The following ZAR1L variants were observed in gnomAD, a reference collection of about 807,000 sequenced individuals.
The protein encoded by ZAR1L is zygote arrest 1 like, also known as protein ZAR1-like.
ZAR1L carries 16 observed loss-of-function variants against 30.0 expected under a neutral mutation model. The observed-to-expected ratio is 0.53, with a 90% confidence interval of 0.36 to 0.81. The LOEUF (loss-of-function observed/expected upper bound fraction) is 0.81, where lower values mean the gene tolerates loss of function less well. Ranked by LOEUF, ZAR1L falls within the 30% of genes least tolerant of loss-of-function variation. The probability of loss-of-function intolerance (pLI) is 0.00; values close to 1 mark genes in which losing one functional copy is unlikely to be tolerated. For synonymous variants in ZAR1L, 197 were observed against 166.8 expected (o/e 1.18, Z -1.40); for missense variants, 392 against 417.2 (o/e 0.94, Z 0.53).
At chr13:32,313,401 C>T (rs2072227868) in intron 2 of ZAR1L, among the ~76,000 whole-genome samples, 1 of 152,208 alleles carries the variant, frequency 6.6e-6, no homozygotes. Context: ...TTTCCTTGCT[C>T]TGTCTCCCAG....
chr13:32,310,508 C>T (rs2072204572), intron 4 of ZAR1L, 131 bp downstream of exon 4: 18 of 666,398 alleles, frequency 2.7e-5, no homozygotes. Context: ...TTCCTGTACA[C>T]CTGGCACGGG....
intron 2 of ZAR1L, among the ~76,000 whole-genome samples, chr13:32,312,411 T>C (rs1468464686): frequency 2.0e-5 from 3 of 152,198 alleles, no homozygotes; most frequent in Non-Finnish European, 4.4e-5. Context: ...CACTGCGTAT[T>C]TACCCAAAGG....
intron 5 of ZAR1L, among the ~76,000 whole-genome samples, chr13:32,304,251 G>A (rs1256678808): frequency 2.0e-5 from 3 of 152,150 alleles, no homozygotes; most frequent in South Asian, 4.1e-4. Flanking sequence ...ATACTGCAGA[G>A]CCAATCAAGA....
rs898780809 is a variant in ZAR1L, at chr13:32,303,964, C to T, written c.881G>A (p.Arg294Lys). The T allele has an allele frequency of 1.3e-6, 2 of 1,551,968 alleles. No homozygotes were observed. The highest frequency in any genetic ancestry group is 1.7e-6 in the Non-Finnish European group (2 of 1,147,102). Residue 294 changes from arginine to lysine, a missense_variant, in exon 6 of 6, where the codon AGG becomes AAG. Physicochemically the swap from Arg to Lys is conservative, Grantham distance 26. Coordinates refer to ENST00000533490, the MANE Select transcript of ZAR1L (RefSeq NM_001136571.2). ...PQKKRHIDLR[R>K]PHRQELCGRC... ...ACCACACAGTTCCTGTCGATGAGGC[C>T]TCCTTAGATCAATGTGTCTCTTCTT...
In ZAR1L at chr13:32,312,008, C is replaced by A. The variant is rs1322387851; in HGVS notation, c.-83G>T. 14 of 1,392,486 alleles carry A rather than the reference C, an allele frequency of 1.0e-5. No homozygotes were observed. The South Asian group carries it at 1.6e-4, about 16-fold the overall frequency. 86.3% of individuals were successfully genotyped at this position (1,392,486 alleles called of 1,614,324 possible). A position where few individuals can be genotyped will look rare whatever the true frequency, so the allele number is the denominator to read the frequency against. ...TTTTGCCTTCCTCCTTCATCCGCCC[C>A]TTCTTTCTCTTCATCAGGTTGGTTC... On this transcript the variant is annotated 5_prime_UTR_variant, in exon 3 of 6. It adds an upstream start codon to the 5' untranslated region. Transcript: ENST00000533490.
Position 32,311,497 on chromosome 13 carries a change from G to A in ZAR1L, c.429C>T (p.Ile143=), listed in dbSNP as rs1205596762. The change falls in exon 3 of 6, where the codon ATC becomes ATT. Residue 143 remains isoleucine (I), a synonymous_variant. Transcript: ENST00000533490. ...CTTCGTCCCCATCTCTCCGCAGGCG[G>A]ATCAAGCCCCTGCGGCCGGTGGCGG... The part of the protein sequence containing the change: ...TSPATGRRGL[I]RLRRDGDEAE... 6 of 1,542,286 alleles carry A rather than the reference G, an allele frequency of 3.9e-6. No homozygotes were observed. The highest frequency in any genetic ancestry group is 2.7e-5 in the African/African-American group (2 of 72,860).
intron 2 of ZAR1L, 77 bp from the exon 3 acceptor site, chr13:32,312,170 C>G (rs936553234): frequency 4.2e-6 from 2 of 481,402 alleles, no homozygotes; most frequent in Non-Finnish European, 7.3e-6. Flanking sequence ...TTCCCTACCT[C>G]TTCACTGTTC....
At chr13:32,314,212 G>A (rs2072233443) in intron 2 of ZAR1L, 118 bp downstream of exon 2, 1 of 127,742 alleles carries the variant, frequency 7.8e-6, no homozygotes, top group Non-Finnish European at 1.7e-5. Context: ...ATTTCTTTGC[G>A]AATTAGACTT....
chr13:32,314,859 A>C (rs976270683), intron 1 of ZAR1L, among the ~76,000 whole-genome samples: 1 of 152,164 alleles, frequency 6.6e-6, no homozygotes, highest in African/African-American at 2.4e-5. Flanking sequence ...TCTCAAAAAA[A>C]AAAGCAAAAG....
At chr13:32,312,312 T>TA (rs764508703) in intron 2 of ZAR1L, among the ~76,000 whole-genome samples, 4 of 152,244 alleles carry the variant, frequency 2.6e-5, no homozygotes, top group Non-Finnish European at 5.9e-5. Flanking sequence ...TAATGTTAGA[T>TA]AATGTTTTAA....
intron 5 of ZAR1L, among the ~76,000 whole-genome samples, chr13:32,308,461 C>A (rs963464781): frequency 1.3e-5 from 2 of 152,200 alleles, no homozygotes; most frequent in Non-Finnish European, 2.9e-5. Context: ...AGAGGAAAAA[C>A]AAACACACCC....
chr13:32,303,753 T>C lies in ZAR1L; in HGVS notation c.*126A>G, dbSNP rs546309530. The C allele has an allele frequency of 2.2e-6, 2 of 890,688 alleles. No individual in the cohort carries two copies. The highest frequency in any genetic ancestry group is 6.0e-5 in the Admixed American group (2 of 33,458). 55.2% of individuals were successfully genotyped at this position (890,688 alleles called of 1,614,324 possible). A position where few individuals can be genotyped will look rare whatever the true frequency, so the allele number is the denominator to read the frequency against. On this transcript the variant is annotated 3_prime_UTR_variant, in exon 6 of 6. Coordinates refer to ENST00000533490, the MANE Select transcript of ZAR1L (RefSeq NM_001136571.2). ...TTCACATTGTACAATTGTTACACAA[T>C]CTACAAAAAGTACAAAAGCCTAGCC...
Position 32,311,380 on chromosome 13 carries a change from C to A in ZAR1L, c.546G>T (p.Gly182=). Residue 182 remains glycine, a synonymous_variant, in exon 3 of 6, where the codon GGG becomes GGT. Transcript: ENST00000533490. ...RSGADRQEEP[G]QLEESGEKDA... The stretch of plus-strand genomic sequence containing the variant: ...CTTTCTCCCCCGATTCCTCCAGCTG[C>A]CCGGGCTCCTCCTGCCTGTCAGCTC... 2 of 1,550,848 alleles carry A rather than the reference C, an allele frequency of 1.3e-6. No homozygotes were observed. Among genetic ancestry groups the A allele is most frequent in the Non-Finnish European group, 1.7e-6 (2 of 1,146,974 alleles).
chr13:32,304,475 CTA>C (rs1157318505), intron 5 of ZAR1L, among the ~76,000 whole-genome samples: 1 of 152,178 alleles, frequency 6.6e-6, no homozygotes, highest in Non-Finnish European at 1.5e-5. Flanking sequence ...TTAAAAAAGA[CTA>C]GAGCAGATGT....
chr13:32,312,835 A>G (rs1376626348), intron 2 of ZAR1L, among the ~76,000 whole-genome samples: 1 of 152,162 alleles, frequency 6.6e-6, no homozygotes, highest in Non-Finnish European at 1.5e-5. Flanking sequence ...CTGAGATCAC[A>G]CTACTGCACT....
intron 5 of ZAR1L, among the ~76,000 whole-genome samples, chr13:32,308,017 G>T (rs1288227941): frequency 2.0e-5 from 3 of 152,112 alleles, no homozygotes. Flanking sequence ...TGGCCAGGCT[G>T]GTCTCGAACT....
chr13:32,311,500 C>T lies in ZAR1L; in HGVS notation c.426G>A (p.Leu142=). 6.5e-7 allele frequency: 1 copy of T among 1,541,958 alleles called. No homozygotes were observed. The highest frequency in any genetic ancestry group is 8.7e-7 in the Non-Finnish European group (1 of 1,143,788). The change falls in exon 3 of 6, where the codon TTG becomes TTA. Residue 142 remains leucine (L), a synonymous_variant. Coordinates refer to ENST00000533490, the MANE Select transcript of ZAR1L (RefSeq NM_001136571.2). ...VTSPATGRRG[L]IRLRRDGDEA... ...CGTCCCCATCTCTCCGCAGGCGGAT[C>T]AAGCCCCTGCGGCCGGTGGCGGGCG...
At chr13:32,315,203 CA>C (rs1374960313) in intron 1 of ZAR1L, 111 bp downstream of exon 1, 1 of 152,542 alleles carries the variant, frequency 6.6e-6, no homozygotes, top group East Asian at 1.9e-4. Flanking sequence ...CCCACCCAAA[CA>C]TGAGCTGGAG....
chr13:32,307,777 G>A (rs770334541), intron 5 of ZAR1L, among the ~76,000 whole-genome samples: 2 of 151,908 alleles, frequency 1.3e-5, no homozygotes, highest in Non-Finnish European at 2.9e-5. Context: ...TCACTTATAA[G>A]CTAGTTTTCG....
Sources: gnomAD v4.1 joint callset for allele counts (sites outside exome capture counted in the v4.1 genomes callset) on GRCh38, gnomAD v4.1.1 for gene constraint, MANE v1.5 for transcripts, NCBI Gene and HGNC (gene_info 2026-07-23, HGNC 2026-07-21) for gene names.